DMRT1: variants seen among roughly 807,000 people sequenced by gnomAD.
The protein encoded by DMRT1 is doublesex and mab-3 related transcription factor 1, also known as doublesex- and mab-3-related transcription factor 1.
A neutral mutation model predicts 32.3 loss-of-function variants in DMRT1; 7 were observed. The ratio of observed to expected loss-of-function variants is 0.22; its 90% confidence interval spans 0.12 to 0.41. The LOEUF is 0.41. DMRT1 is among the 10% of genes least tolerant of loss of function. The pLI, the probability that DMRT1 is intolerant of heterozygous loss-of-function variation, is 1.00. For missense variants in DMRT1, 625 were observed against 500.5 expected (o/e 1.25, Z -2.37); for synonymous variants, 278 against 206.1 (o/e 1.35, Z -2.99).
At chr9:861,246 G>A (rs1268528767) in intron 2 of DMRT1, among the ~76,000 whole-genome samples, 1 of 151,854 alleles carries the variant, frequency 6.6e-6, no homozygotes, top group Non-Finnish European at 1.5e-5. Flanking sequence ...CTGGGTAGTT[G>A]AGATTAGGGA....
intron 4 of DMRT1, among the ~76,000 whole-genome samples, chr9:934,050 A>G (rs1243462632): frequency 6.6e-6 from 1 of 151,578 alleles, no homozygotes; most frequent in Non-Finnish European, 1.5e-5. Flanking sequence ...GATGAAAGTG[A>G]GTAACTCAGC....
At chr9:920,281 T>C (rs1261775571) in intron 4 of DMRT1, among the ~76,000 whole-genome samples, 4 of 152,086 alleles carry the variant, frequency 2.6e-5, no homozygotes, top group Admixed American at 6.6e-5. Context: ...AGCCTGCGTG[T>C]CTCCAGTGTT....
At chr9:863,245 G>C (rs1485688336) in intron 2 of DMRT1, among the ~76,000 whole-genome samples, 1 of 150,676 alleles carries the variant, frequency 6.6e-6, no homozygotes, top group East Asian at 2.0e-4. Flanking sequence ...CTGACCCCAG[G>C]ATTTCAAGGC....
intron 2 of DMRT1, among the ~76,000 whole-genome samples, chr9:859,451 C>A (rs1429709935): frequency 6.6e-6 from 1 of 152,130 alleles, no homozygotes; most frequent in Non-Finnish European, 1.5e-5. Flanking sequence ...CTGGGGCTCT[C>A]AGTGCTCTCT....
chr9:918,577 A>G (rs1818257087), intron 4 of DMRT1, among the ~76,000 whole-genome samples: 1 of 152,208 alleles, frequency 6.6e-6, no homozygotes, highest in African/African-American at 2.4e-5. Flanking sequence ...GAATAGGTGA[A>G]TACCACCTAC....
chr9:902,194 G>T (rs1029080747), intron 3 of DMRT1, among the ~76,000 whole-genome samples: 2 of 151,680 alleles, frequency 1.3e-5, no homozygotes, highest in African/African-American at 4.9e-5. Context: ...ACAGGCGTGA[G>T]CCACCGCGCC....
chr9:933,158 C>A (rs951309821), intron 4 of DMRT1, among the ~76,000 whole-genome samples: 7 of 152,250 alleles, frequency 4.6e-5, no homozygotes, highest in Middle Eastern at 3.4e-3. Flanking sequence ...GGTGATCAAT[C>A]CACCCTCCTG....
chr9:849,667 G>A (rs1839054999), intron 2 of DMRT1, among the ~76,000 whole-genome samples: 1 of 152,242 alleles, frequency 6.6e-6, no homozygotes, highest in Non-Finnish European at 1.5e-5. Flanking sequence ...CACCTGTGGA[G>A]TTGACAGACC....
intron 4 of DMRT1, among the ~76,000 whole-genome samples, chr9:924,106 C>G (rs1473137319): frequency 6.9e-6 from 1 of 145,036 alleles, no homozygotes; most frequent in Admixed American, 7.1e-5. Flanking sequence ...GAGTCTCTCT[C>G]TGTCTCCCAG....
At chr9:883,321 T>C (rs1374619722) in intron 2 of DMRT1, among the ~76,000 whole-genome samples, 1 of 151,960 alleles carries the variant, frequency 6.6e-6, no homozygotes. Context: ...AAATAGGCTC[T>C]ACCACATTCC....
rs138142238 is a variant in DMRT1 at position 880,501 on chromosome 9, C to T, written c.539-13411C>T. On this transcript the variant is annotated intron_variant, in intron 2 of 4. Coordinates refer to ENST00000382276, the MANE Select transcript of DMRT1 (RefSeq NM_021951.3). ...CAGCACTTTGGGAGGCTGAGGTGGG[C>T]GGATCACCTGAGGTCAGGAGTTCGA... 9.6e-3 allele frequency among the ~76,000 whole-genome samples: 1,455 copies of T among 151,712 alleles called. 15 individuals carry two copies. Among genetic ancestry groups the T allele is most frequent in the Middle Eastern group, 0.017 (5 of 292 alleles).
chr9:868,622 C>G (rs1453667622), intron 2 of DMRT1, among the ~76,000 whole-genome samples: 1 of 152,194 alleles, frequency 6.6e-6, no homozygotes, highest in Non-Finnish European at 1.5e-5. Flanking sequence ...GGTCTTCAAC[C>G]TTACAAGGTT....
intron 4 of DMRT1, among the ~76,000 whole-genome samples, chr9:926,417 T>A (rs1173026042): frequency 6.6e-6 from 1 of 152,224 alleles, no homozygotes; most frequent in Non-Finnish European, 1.5e-5. Context: ...ATTTATTCTC[T>A]TTTTTCCCTG....
At chr9:856,205 C>T (rs371357519) in intron 2 of DMRT1, among the ~76,000 whole-genome samples, 2 of 152,294 alleles carry the variant, frequency 1.3e-5, no homozygotes, top group African/African-American at 2.4e-5. Context: ...GTGTGAGCCA[C>T]CGCGCCCGGT....
At chr9:870,002 C>T (rs867176337) in intron 2 of DMRT1, among the ~76,000 whole-genome samples, 6 of 152,324 alleles carry the variant, frequency 3.9e-5, no homozygotes, top group Admixed American at 2.0e-4. Context: ...AACAGTTGAG[C>T]ACCCAGTTTG....
intron 2 of DMRT1, among the ~76,000 whole-genome samples, chr9:880,891 T>G (rs1461488519): frequency 1.3e-5 from 2 of 152,214 alleles, no homozygotes; most frequent in Non-Finnish European, 2.9e-5. Flanking sequence ...AAAATACTTC[T>G]GACCTCTTGG....
At chr9:875,913 C>G (rs143649119) in intron 2 of DMRT1, among the ~76,000 whole-genome samples, 143 of 152,286 alleles carry the variant, frequency 9.4e-4, no homozygotes, top group African/African-American at 3.4e-3. Context: ...TGTTTAAAAG[C>G]CAGAAGCCCC....
chr9:896,148 C>T (rs1817352677), intron 3 of DMRT1, among the ~76,000 whole-genome samples: 1 of 151,496 alleles, frequency 6.6e-6, no homozygotes, highest in South Asian at 2.1e-4. Context: ...TTTTTTTTTC[C>T]AGCTCAATGA....
intron 4 of DMRT1, among the ~76,000 whole-genome samples, chr9:964,157 TC>T (rs1281796945): frequency 6.6e-6 from 1 of 152,146 alleles, no homozygotes; most frequent in Non-Finnish European, 1.5e-5. Context: ...AAGTCAGGGG[TC>T]TTTGCAATGT....
Sources: gnomAD v4.1 joint callset for allele counts (sites outside exome capture counted in the v4.1 genomes callset) on GRCh38, gnomAD v4.1.1 for gene constraint, MANE v1.5 for transcripts, NCBI Gene and HGNC (gene_info 2026-07-23, HGNC 2026-07-21) for gene names.